Variants in DPF3 observed in about 807,000 individuals in gnomAD.
The protein encoded by DPF3 is double PHD fingers 3.
Under a neutral mutation model 56.8 loss-of-function variants are expected in DPF3, and 18 were observed. The ratio of observed to expected loss-of-function variants is 0.32; its 90% CI spans 0.22 to 0.47. The LOEUF is 0.47. Ranked by LOEUF, DPF3 falls within the 20% of genes least tolerant of loss-of-function variation. The pLI is 1.00. For synonymous variants in DPF3, 188 were observed against 180.2 expected, an observed-to-expected ratio of 1.04 and a Z score of -0.35; for missense variants, 403 against 488.8, an observed-to-expected ratio of 0.82 and a Z score of 1.65.
chr14:72,825,178 G>A (rs536427515), intron 1 of DPF3, among the ~76,000 whole-genome samples: 4 of 152,290 alleles, frequency 2.6e-5, no homozygotes, highest in East Asian at 3.9e-4. Context: ...ATGGGCCACC[G>A]TGCCCAGCCT....
intron 8 of DPF3, among the ~76,000 whole-genome samples, chr14:72,643,512 G>A (rs1334304862): frequency 2.0e-5 from 3 of 152,256 alleles, no homozygotes; most frequent in Non-Finnish European, 4.4e-5. Flanking sequence ...GGAGGCTGCA[G>A]GAAGTAGGTC....
chr14:72,624,401 C>T lies in DPF3; in HGVS notation c.985-4417G>A, dbSNP rs558614520. On this transcript the variant is annotated intron_variant, in intron 9 of 10. Coordinates refer to ENST00000556509, the MANE Select transcript of DPF3 (RefSeq NM_001280542.3). Reference sequence around the variant, plus strand: ...TTGCCCAAACTGGAGTGCAGTGGTGCCATCTCGGCTCACTGCAGCCTCCTT... The same window carrying T: ...TTGCCCAAACTGGAGTGCAGTGGTGTCATCTCGGCTCACTGCAGCCTCCTT... 5.0e-5 allele frequency among the ~76,000 whole-genome samples: 7 copies of T among 141,038 alleles called. No homozygotes were observed. In the East Asian group the frequency reaches 8.0e-4, roughly 16 times the overall value. The allele number at this position is 141,038 out of a possible 152,430, so 92.5% of individuals were successfully genotyped here.
Position 72,611,451 on chromosome 14 carries a change from G to A in DPF3, c.*7846C>T, listed in dbSNP as rs1883718425. 6.6e-6 allele frequency among the ~76,000 whole-genome samples: 1 copy of A among 152,212 alleles called. No individual in the cohort carries two copies. ...CACACACCAGCAGTGCCAGATACAG[G>A]CGTGGGGCAGCTGACCTTGCTGGGG... On this transcript the variant is annotated 3_prime_UTR_variant, in exon 11 of 11. Transcript: ENST00000556509.
intron 7 of DPF3, among the ~76,000 whole-genome samples, chr14:72,686,254 G>A (rs1021779839): frequency 9.2e-5 from 14 of 152,220 alleles, no homozygotes; most frequent in African/African-American, 2.7e-4. Context: ...GGGCTCAGAT[G>A]GAACCATGAT....
intron 1 of DPF3, among the ~76,000 whole-genome samples, chr14:72,796,952 C>T (rs893356909): frequency 1.4e-4 from 21 of 152,218 alleles, no homozygotes; most frequent in African/African-American, 4.8e-4. Flanking sequence ...ACAAGAAATG[C>T]CAAGCCAGTA....
chr14:72,702,615 T>C (rs1773899451), intron 6 of DPF3, among the ~76,000 whole-genome samples: 1 of 152,012 alleles, frequency 6.6e-6, no homozygotes, highest in Non-Finnish European at 1.5e-5. Flanking sequence ...CCAACGACCC[T>C]CCATCTTCTC....
intron 1 of DPF3, among the ~76,000 whole-genome samples, chr14:72,826,508 G>T (rs1482876260): frequency 1.3e-5 from 2 of 152,180 alleles, no homozygotes; most frequent in East Asian, 3.9e-4. Flanking sequence ...CCTCTATCCT[G>T]ATCTGGCTAA....
intron 6 of DPF3, among the ~76,000 whole-genome samples, chr14:72,696,781 C>G (rs1010953987): frequency 6.6e-6 from 1 of 152,242 alleles, no homozygotes; most frequent in Admixed American, 6.5e-5. Flanking sequence ...GTCCCCAGAC[C>G]AGCACCATCC....
intron 1 of DPF3, among the ~76,000 whole-genome samples, chr14:72,824,232 C>T (rs892346316): frequency 5.9e-5 from 9 of 152,012 alleles, no homozygotes; most frequent in Non-Finnish European, 8.8e-5. Flanking sequence ...GGTCAGATGC[C>T]GGGAAAAATT....
intron 6 of DPF3, among the ~76,000 whole-genome samples, chr14:72,708,783 T>C (rs1057468696): frequency 6.6e-6 from 1 of 152,152 alleles, no homozygotes; most frequent in African/African-American, 2.4e-5. Context: ...TGTGGCACAG[T>C]TTCCCGTGGT....
intron 1 of DPF3, among the ~76,000 whole-genome samples, chr14:72,784,786 G>A (rs143837733): frequency 0.01 from 1,566 of 151,928 alleles, 18 homozygotes; most frequent in South Asian, 0.024. Context: ...GTGAAAAACC[G>A]TCTCTACTAA....
At chr14:72,792,928 AT>A (rs1390262477) in intron 1 of DPF3, among the ~76,000 whole-genome samples, 5 of 96,536 alleles carry the variant, frequency 5.2e-5, no homozygotes, top group East Asian at 5.2e-4. Flanking sequence ...CAAAATAATA[AT>A]TTAAAAAAAA....
intron 1 of DPF3, among the ~76,000 whole-genome samples, chr14:72,835,831 T>G (rs79263451): frequency 0.25 from 37,313 of 152,140 alleles, 4,751 homozygotes; most frequent in Non-Finnish European, 0.27. Flanking sequence ...AGGTCTCACC[T>G]GGGCATAGTT....
chr14:72,634,592 T>A (rs1024145946), intron 8 of DPF3, among the ~76,000 whole-genome samples: 2 of 152,154 alleles, frequency 1.3e-5, no homozygotes, highest in Non-Finnish European at 2.9e-5. Context: ...TATGGTCACT[T>A]GATATTTGAG....
At chr14:72,716,594 T>G (rs1431323309) in intron 5 of DPF3, among the ~76,000 whole-genome samples, 1 of 152,126 alleles carries the variant, frequency 6.6e-6, no homozygotes, top group East Asian at 1.9e-4. Flanking sequence ...GTTTACAAGT[T>G]GATTTTGTCT....
At chr14:72,692,655 A>AT (rs1464958012) in intron 7 of DPF3, among the ~76,000 whole-genome samples, 1 of 152,208 alleles carries the variant, frequency 6.6e-6, no homozygotes, top group Non-Finnish European at 1.5e-5. Context: ...AGATAAGAAT[A>AT]TTCTAAGGCA....
chr14:72,684,102 A>G (rs1887295039), intron 7 of DPF3, among the ~76,000 whole-genome samples: 1 of 152,182 alleles, frequency 6.6e-6, no homozygotes, highest in South Asian at 2.1e-4. Context: ...ACTGGAGTGC[A>G]GTGGCACAAT....
intron 4 of DPF3, chr14:72,724,255 T>A (rs1442398739): frequency 6.8e-6 from 1 of 148,098 alleles, no homozygotes; most frequent in Non-Finnish European, 1.5e-5. Flanking sequence ...TTAAGAAAAA[T>A]AGACTTTCAT....
chr14:72,699,945 G>A (rs1484636766), intron 6 of DPF3, among the ~76,000 whole-genome samples: 3 of 152,198 alleles, frequency 2.0e-5, no homozygotes. Flanking sequence ...TGTGGGAGGA[G>A]GAAAGAGGGA....
Sources: gnomAD v4.1 joint callset for allele counts (sites outside exome capture counted in the v4.1 genomes callset) on GRCh38, gnomAD v4.1.1 for gene constraint, MANE v1.5 for transcripts, NCBI Gene and HGNC (gene_info 2026-07-23, HGNC 2026-07-21) for gene names.